UST: variants seen among roughly 807,000 people sequenced by gnomAD.
UST encodes uronyl 2-sulfotransferase.
In UST, 21 loss-of-function variants were observed where a neutral mutation model predicts 45.6. The ratio of observed to expected loss-of-function variants is 0.46; its 90% confidence interval spans 0.33 to 0.66. UST has a LOEUF of 0.66. Among genes scored for constraint, UST ranks in the 30% least tolerant of loss-of-function variants. The probability of loss-of-function intolerance (pLI) is 0.02; values close to 1 mark genes in which losing one functional copy is unlikely to be tolerated. For missense variants in UST, 463 were observed against 512.4 expected, an observed-to-expected ratio of 0.90 and a Z score of 0.93; for synonymous variants, 215 against 200.6, an observed-to-expected ratio of 1.07 and a Z score of -0.61.
At chr6:148,747,776 C>T in intron 1 of UST, 99 bp downstream of exon 1, 4 of 1,389,668 alleles carry the variant, frequency 2.9e-6, no homozygotes, top group Non-Finnish European at 3.8e-6. Context: ...CCACCGCGCG[C>T]CGCCGCCGCC....
intron 2 of UST, among the ~76,000 whole-genome samples, chr6:148,899,768 G>A (rs1779212121): frequency 6.6e-6 from 1 of 152,180 alleles, no homozygotes; most frequent in South Asian, 2.1e-4. Flanking sequence ...CTTTTATCTG[G>A]TTCTTTAGTA....
At chr6:149,058,400 C>T (rs1161507340) in intron 7 of UST, among the ~76,000 whole-genome samples, 4 of 149,736 alleles carry the variant, frequency 2.7e-5, no homozygotes, top group South Asian at 2.1e-4. Flanking sequence ...TGTGCGCGCG[C>T]GTGTGTCTGT....
At chr6:148,897,013 C>T (rs1779144490) in intron 2 of UST, among the ~76,000 whole-genome samples, 1 of 152,142 alleles carries the variant, frequency 6.6e-6, no homozygotes, top group African/African-American at 2.4e-5. Context: ...CACATGGTAG[C>T]ACCCAGCAAT....
chr6:148,862,379 G>C (rs1778336654), intron 1 of UST, among the ~76,000 whole-genome samples: 2 of 152,112 alleles, frequency 1.3e-5, no homozygotes, highest in African/African-American at 4.8e-5. Flanking sequence ...TTTATTTTGA[G>C]CCTATGTGTG....
At chr6:148,994,943 A>C (rs548842845) in intron 5 of UST, among the ~76,000 whole-genome samples, 1 of 152,136 alleles carries the variant, frequency 6.6e-6, no homozygotes, top group African/African-American at 2.4e-5. Context: ...GCAGAATGCT[A>C]TCTTGTAGTC....
At chr6:148,972,386 G>A (rs1449170632) in intron 5 of UST, among the ~76,000 whole-genome samples, 3 of 152,222 alleles carry the variant, frequency 2.0e-5, no homozygotes, top group African/African-American at 7.2e-5. Flanking sequence ...TGACACTTTA[G>A]AAAGTGTGTA....
chr6:148,847,127 T>C (rs1405531700), intron 1 of UST, among the ~76,000 whole-genome samples: 1 of 152,274 alleles, frequency 6.6e-6, no homozygotes, highest in Non-Finnish European at 1.5e-5. Context: ...TAGTTATCTG[T>C]AGCAATATAA....
intron 1 of UST, among the ~76,000 whole-genome samples, chr6:148,781,198 C>A (rs1279114513): frequency 2.6e-5 from 4 of 152,056 alleles, no homozygotes; most frequent in African/African-American, 9.7e-5. Context: ...GGGTCTCTAG[C>A]GACAGTTAAC....
In UST at chr6:148,932,974, T is replaced by C. The variant is rs533956123; in HGVS notation, c.292-8305T>C. On this transcript the variant is annotated intron_variant, in intron 2 of 7. Coordinates refer to ENST00000367463, the MANE Select transcript of UST (RefSeq NM_005715.3). ...CATTAGGTTCAGTGCCCTCATTCTA[T>C]ACTTTGAGGAAACTTTGACTTAGAG... Among the ~76,000 whole-genome samples, 5 of 152,298 alleles carry C rather than the reference T, an allele frequency of 3.3e-5. No individual in the cohort carries two copies. The South Asian group carries it at 8.3e-4, about 25-fold the overall frequency.
chr6:148,765,339 C>A (rs1268065942), intron 1 of UST, among the ~76,000 whole-genome samples: 2 of 152,100 alleles, frequency 1.3e-5, no homozygotes, highest in Non-Finnish European at 2.9e-5. Flanking sequence ...TGTTTTTGTA[C>A]CAGTACCATG....
intron 5 of UST, among the ~76,000 whole-genome samples, chr6:149,000,223 A>G (rs146566869): frequency 6.6e-6 from 1 of 152,234 alleles, no homozygotes; most frequent in South Asian, 2.1e-4. Flanking sequence ...GCCTGGAACT[A>G]TGCCCTTATA....
chr6:149,049,561 A>G (rs1000920491), intron 7 of UST, among the ~76,000 whole-genome samples: 1 of 152,232 alleles, frequency 6.6e-6, no homozygotes, highest in Non-Finnish European at 1.5e-5. Context: ...TGGGAAAAGC[A>G]TGAATTTTAG....
chr6:148,817,816 C>T (rs1777384260), intron 1 of UST, among the ~76,000 whole-genome samples: 1 of 152,128 alleles, frequency 6.6e-6, no homozygotes, highest in African/African-American at 2.4e-5. Flanking sequence ...CTACTTCCAT[C>T]ACGGCCTGAA....
rs574838195 is a variant in UST, at chr6:149,036,396, A to G, written c.937+14915A>G. Reference sequence around the variant, plus strand: ...TCCAACCGCATTTCATCTTCCAGAAATTGGTGGAGGCCTGCCTTCCACTGA... The same window carrying G: ...TCCAACCGCATTTCATCTTCCAGAAGTTGGTGGAGGCCTGCCTTCCACTGA... On this transcript the variant is annotated intron_variant, in intron 7 of 7. Transcript: ENST00000367463. Among the ~76,000 whole-genome samples the G allele has an allele frequency of 5.9e-5, 9 of 152,336 alleles. No homozygotes were observed. In the South Asian group the frequency reaches 1.2e-3, roughly 21 times the overall value.
At chr6:148,800,135 T>C (rs1028522396) in intron 1 of UST, among the ~76,000 whole-genome samples, 1 of 152,202 alleles carries the variant, frequency 6.6e-6, no homozygotes, top group Non-Finnish European at 1.5e-5. Flanking sequence ...ATAAAAATGC[T>C]GGGCTTTGGC....
chr6:148,974,566 G>A (rs9404010), intron 5 of UST, among the ~76,000 whole-genome samples: 47,713 of 152,002 alleles, frequency 0.31, 8,105 homozygotes, highest in Non-Finnish European at 0.38. Flanking sequence ...GGAATAAATG[G>A]AACAGGTGGG....
intron 2 of UST, among the ~76,000 whole-genome samples, chr6:148,915,265 G>T (rs1779564996): frequency 6.6e-6 from 1 of 152,146 alleles, no homozygotes; most frequent in Non-Finnish European, 1.5e-5. Context: ...TAGAAGTTTA[G>T]CAAATCTAAA....
chr6:149,032,969 G>A (rs1401498170), intron 7 of UST, among the ~76,000 whole-genome samples: 4 of 152,170 alleles, frequency 2.6e-5, no homozygotes, highest in Non-Finnish European at 5.9e-5. Flanking sequence ...GCTCTGCATT[G>A]AGTATTTGTA....
chr6:149,003,165 G>A (rs894218220), intron 5 of UST, among the ~76,000 whole-genome samples: 3 of 152,122 alleles, frequency 2.0e-5, no homozygotes, highest in Non-Finnish European at 4.4e-5. Context: ...TAGAACTATG[G>A]CCAATGGAAC....
Sources: allele counts gnomAD v4.1 joint callset (sites outside exome capture counted in the v4.1 genomes callset), GRCh38; gene constraint gnomAD v4.1.1; transcripts MANE v1.5; gene names NCBI Gene and HGNC (gene_info 2026-07-23, HGNC 2026-07-21).